The following C13orf42 variants were observed in gnomAD, a reference collection of about 807,000 sequenced individuals.
The protein encoded by C13orf42 is chromosome 13 open reading frame 42.
chr13:51,170,308 C>T (rs1293331199), intron 1 of C13orf42, among the ~76,000 whole-genome samples: 3 of 152,174 alleles, frequency 2.0e-5, no homozygotes, highest in Non-Finnish European at 2.9e-5. Flanking sequence ...CACACGGACG[C>T]GCATGAAGTT....
At chr13:51,158,381 A>G (rs1174054794) in intron 1 of C13orf42, among the ~76,000 whole-genome samples, 1 of 152,212 alleles carries the variant, frequency 6.6e-6, no homozygotes, top group Non-Finnish European at 1.5e-5. Flanking sequence ...GATAATTTCT[A>G]CTTTGCTGGT....
At chr13:51,156,784 GCATCTGGTGATGGGGTGTGTCCC>G (rs774555591) in intron 1 of C13orf42, among the ~76,000 whole-genome samples, 3 of 152,126 alleles carry the variant, frequency 2.0e-5, no homozygotes, top group African/African-American at 4.8e-5. Flanking sequence ...GCTCTCATGG[GCATCTGGTGATGGGGTGTGTCCC>G]CATTTTCCAC....
At chr13:51,139,612 G>C (rs1390689392) in intron 1 of C13orf42, among the ~76,000 whole-genome samples, 4 of 152,128 alleles carry the variant, frequency 2.6e-5, no homozygotes, top group African/African-American at 9.7e-5. Flanking sequence ...CTGCAGCAAA[G>C]AGGTCAGCTA....
chr13:51,149,312 G>GAAAAAAAAAAAAAAAAA (rs60935214), intron 1 of C13orf42, among the ~76,000 whole-genome samples: 1 of 103,084 alleles, frequency 9.7e-6, no homozygotes, highest in Non-Finnish European at 1.9e-5. Context: ...GGCTGAAATT[G>GAAAAAAAAAAAAAAAAA]AAAAAAAAAA....
chr13:51,095,369 T>C (rs1185021233), intron 1 of C13orf42, among the ~76,000 whole-genome samples: 1 of 152,178 alleles, frequency 6.6e-6, no homozygotes, highest in African/African-American at 2.4e-5. Flanking sequence ...TGTGGTTTAG[T>C]ATATGTCATT....
intron 1 of C13orf42, among the ~76,000 whole-genome samples, chr13:51,133,259 C>T (rs1953632834): frequency 6.6e-6 from 1 of 152,086 alleles, no homozygotes. Context: ...TCCAGTAACA[C>T]CTAGAGTAGT....
intron 1 of C13orf42, among the ~76,000 whole-genome samples, chr13:51,146,995 C>T (rs1953740829): frequency 6.6e-6 from 1 of 152,218 alleles, no homozygotes; most frequent in Non-Finnish European, 1.5e-5. Context: ...ACAGTACTTC[C>T]CTAGGCTTCT....
In C13orf42 at chr13:51,127,237, A is replaced by G. The variant is rs575832252; in HGVS notation, n.137-14015T>C. Reference sequence around the variant, plus strand: ...AAAGGGCCACAGAGAAGTTGTAGCCACATCTTGAAGGAATAACAACCAAGA... The same window carrying G: ...AAAGGGCCACAGAGAAGTTGTAGCCGCATCTTGAAGGAATAACAACCAAGA... On this transcript the variant is annotated intron_variant and non_coding_transcript_variant, in intron 1 of 4. Coordinates refer to the C13orf42 transcript ENST00000433280. Among the ~76,000 whole-genome samples, 79 of 152,360 alleles carry G rather than the reference A, an allele frequency of 5.2e-4. 1 individual carries two copies. The highest frequency in any genetic ancestry group is 1.9e-3 in the African/African-American group (78 of 41,590).
intron 1 of C13orf42, among the ~76,000 whole-genome samples, chr13:51,147,895 G>A (rs1216097740): frequency 1.3e-5 from 2 of 152,088 alleles, no homozygotes; most frequent in South Asian, 2.1e-4. Context: ...CTAATAAAAC[G>A]GCTCAGTTGA....
intron 1 of C13orf42, among the ~76,000 whole-genome samples, chr13:51,122,647 C>T (rs2138015163): frequency 6.6e-6 from 1 of 152,196 alleles, no homozygotes; most frequent in South Asian, 2.1e-4. Flanking sequence ...AGTGCTAGCT[C>T]AGCTGTTTTG....
chr13:51,152,278 C>T (rs182181678), intron 1 of C13orf42, among the ~76,000 whole-genome samples: 9 of 152,338 alleles, frequency 5.9e-5, no homozygotes, highest in African/African-American at 2.2e-4. Flanking sequence ...TCAGGCTGTA[C>T]GTCTCCTGTG....
chr13:51,092,993 A>G (rs908885861), intron 1 of C13orf42, among the ~76,000 whole-genome samples: 6 of 152,182 alleles, frequency 3.9e-5, no homozygotes, highest in African/African-American at 1.2e-4. Context: ...TGTATCTTTA[A>G]CAGATAAGAG....
chr13:51,154,881 C>A (rs1382306963), intron 1 of C13orf42, among the ~76,000 whole-genome samples: 1 of 152,126 alleles, frequency 6.6e-6, no homozygotes, highest in African/African-American at 2.4e-5. Flanking sequence ...GGGCCCTGAG[C>A]CCAAGGGTAG....
intron 1 of C13orf42, among the ~76,000 whole-genome samples, chr13:51,106,015 G>T (rs1313902553): frequency 6.6e-6 from 1 of 152,182 alleles, no homozygotes. Context: ...ATGAAGTTCC[G>T]ATTGTAGCTG....
At chr13:51,094,610 G>T (rs917328645) in intron 1 of C13orf42, among the ~76,000 whole-genome samples, 4 of 151,312 alleles carry the variant, frequency 2.6e-5, no homozygotes, top group Non-Finnish European at 2.9e-5. Context: ...TTTCTATCTG[G>T]TACCACATTT....
intron 1 of C13orf42, among the ~76,000 whole-genome samples, chr13:51,127,201 G>A (rs528531401): frequency 3.9e-5 from 6 of 152,152 alleles, no homozygotes; most frequent in South Asian, 2.1e-4. Context: ...GAGACAAGGC[G>A]GAAGAAATGG....
rs531993392 is a variant in C13orf42, at chr13:51,109,208, T to A, written c.414+1588A>T. 2.0e-5 allele frequency among the ~76,000 whole-genome samples: 3 copies of A among 152,316 alleles called. No individual in the cohort carries two copies. In the East Asian group the frequency reaches 5.8e-4, roughly 29 times the overall value. On this transcript the variant is annotated intron_variant, in intron 1 of 3. Transcript: ENST00000563710. ...TACTTTTAGAGTTAAAATGATTATT[T>A]AAACTGCTCCCACCTGGTATAACAT...
upstream of C13orf42, among the ~76,000 whole-genome samples, chr13:51,113,435 C>T (rs917614577): frequency 3.3e-5 from 5 of 152,228 alleles, no homozygotes; most frequent in East Asian, 3.8e-4. Context: ...ACAAAATACT[C>T]GTCACCTCTG....
intron 1 of C13orf42, among the ~76,000 whole-genome samples, chr13:51,146,744 A>G (rs1215856811): frequency 2.0e-5 from 3 of 152,248 alleles, no homozygotes; most frequent in African/African-American, 7.2e-5. Context: ...ATACACATTT[A>G]TCTCAGTGAG....
Sources: allele counts gnomAD v4.1 joint callset (sites outside exome capture counted in the v4.1 genomes callset), GRCh38; gene constraint gnomAD v4.1.1; transcripts MANE v1.5; gene names NCBI Gene and HGNC (gene_info 2026-07-23, HGNC 2026-07-21).